MNAT1: variants seen among roughly 807,000 people sequenced by gnomAD.
The protein encoded by MNAT1 is CDK-activating kinase assembly factor MAT1.
Under a neutral mutation model 42.0 loss-of-function variants are expected in MNAT1, and 43 were observed. The observed-to-expected ratio is 1.02, with a 90% CI of 0.80 to 1.32. The LOEUF (loss-of-function observed/expected upper bound fraction) is 1.32, where lower values mean the gene tolerates loss of function less well. Ranked by LOEUF, MNAT1 falls within the 40% of genes most tolerant of loss-of-function variation. MNAT1 has a pLI of 0.00. For missense variants in MNAT1, 306 were observed against 350.4 expected, an observed-to-expected ratio of 0.87 and a Z score of 1.01; for synonymous variants, 118 against 120.0, an observed-to-expected ratio of 0.98 and a Z score of 0.11.
intron 7 of MNAT1, among the ~76,000 whole-genome samples, chr14:60,889,255 T>C (rs959507477): frequency 2.0e-5 from 3 of 152,120 alleles, no homozygotes; most frequent in Non-Finnish European, 2.9e-5. Flanking sequence ...AACAGAGATA[T>C]AGATCAATGG....
chr14:60,814,193 T>TA (rs993333745), intron 5 of MNAT1, among the ~76,000 whole-genome samples: 1 of 152,096 alleles, frequency 6.6e-6, no homozygotes, highest in African/African-American at 2.4e-5. Context: ...TATTTTTGCA[T>TA]AAAAAAATAG....
chr14:60,767,514 A>G (rs1015853964), intron 1 of MNAT1, among the ~76,000 whole-genome samples: 16 of 152,176 alleles, frequency 1.1e-4, no homozygotes, highest in African/African-American at 3.9e-4. Flanking sequence ...CCAAGTGGTA[A>G]TTATATCTGT....
chr14:60,747,216 C>G (rs141640685), intron 1 of MNAT1, among the ~76,000 whole-genome samples: 114 of 151,782 alleles, frequency 7.5e-4, no homozygotes, highest in South Asian at 1.0e-3. Context: ...GATCTCCTGA[C>G]CTTGTGATCT....
intron 7 of MNAT1, among the ~76,000 whole-genome samples, chr14:60,917,632 GT>G (rs1173777464): frequency 1.1e-4 from 15 of 142,428 alleles, no homozygotes; most frequent in South Asian, 2.2e-4. Flanking sequence ...TTTCTTTTTT[GT>G]TTTTTTTTTT....
At chr14:60,811,838 C>A (rs1195099303) in intron 4 of MNAT1, 149 bp from the exon 5 acceptor site, 2 of 517,126 alleles carry the variant, frequency 3.9e-6, no homozygotes, top group Non-Finnish European at 3.2e-6. Flanking sequence ...AAAGTAAATT[C>A]TATTTTCTTC....
chr14:60,735,680 C>T (rs1338637565), intron 1 of MNAT1, among the ~76,000 whole-genome samples: 1 of 152,114 alleles, frequency 6.6e-6, no homozygotes, highest in Non-Finnish European at 1.5e-5. Context: ...GAATTGGAAC[C>T]CAGGAAGTCT....
chr14:60,936,139 T>C (rs925094084), intron 7 of MNAT1, among the ~76,000 whole-genome samples: 1 of 152,160 alleles, frequency 6.6e-6, no homozygotes, highest in Non-Finnish European at 1.5e-5. Flanking sequence ...GACAAGGTCA[T>C]GGGCAGGTTC....
chr14:60,883,181 A>G (rs191254739), intron 7 of MNAT1, among the ~76,000 whole-genome samples: 5 of 152,160 alleles, frequency 3.3e-5, no homozygotes, highest in African/African-American at 1.2e-4. Flanking sequence ...GCGTTTCCCC[A>G]ATGTTTAATT....
intron 1 of MNAT1, among the ~76,000 whole-genome samples, chr14:60,763,315 C>A (rs1342871593): frequency 6.6e-6 from 1 of 152,112 alleles, no homozygotes; most frequent in Non-Finnish European, 1.5e-5. Context: ...CAACCTATAT[C>A]ATTTTAAATG....
At chr14:60,827,133 A>G (rs1045360138) in intron 6 of MNAT1, among the ~76,000 whole-genome samples, 2 of 152,188 alleles carry the variant, frequency 1.3e-5, no homozygotes, top group African/African-American at 4.8e-5. Context: ...TGTTTTATGG[A>G]TCACAAAGAT....
intron 6 of MNAT1, among the ~76,000 whole-genome samples, chr14:60,852,419 A>G (rs1479017625): frequency 4.0e-5 from 6 of 151,720 alleles, no homozygotes; most frequent in Non-Finnish European, 7.4e-5. Flanking sequence ...AAATTTGTTT[A>G]AGTTCCTTAT....
chr14:60,968,289 T>G lies in MNAT1; in HGVS notation c.870T>G (p.Ser290=), dbSNP rs2036719443. Residue 290 remains serine, a synonymous_variant, in exon 8 of 8, where the codon TCT becomes TCG. Coordinates refer to ENST00000261245, the MANE Select transcript of MNAT1 (RefSeq NM_002431.4). The stretch of plus-strand genomic sequence containing the variant: ...ACCTTGCTGGAGGCTATACTTCTTC[T>G]CTTGCTTGTCACAGAGCACTACAGG... ...PQDLAGGYTS[S]LACHRALQDA... is the part of the protein sequence containing the mutation. The G allele has an allele frequency of 6.2e-7, 1 of 1,613,902 alleles. No individual in the cohort carries two copies. The highest frequency in any genetic ancestry group is 8.5e-7 in the Non-Finnish European group (1 of 1,179,930).
At chr14:60,880,271 T>C (rs181516479) in intron 7 of MNAT1, among the ~76,000 whole-genome samples, 1 of 152,270 alleles carries the variant, frequency 6.6e-6, no homozygotes, top group East Asian at 1.9e-4. Context: ...ATATATTTTG[T>C]TGAAAGGTAT....
chr14:60,949,419 A>G (rs745388910), intron 7 of MNAT1, among the ~76,000 whole-genome samples: 3 of 152,172 alleles, frequency 2.0e-5, no homozygotes, highest in Non-Finnish European at 4.4e-5. Flanking sequence ...CTACATTTTT[A>G]ACGATAAAGC....
intron 7 of MNAT1, among the ~76,000 whole-genome samples, chr14:60,914,337 C>A (rs887810595): frequency 6.6e-6 from 1 of 152,200 alleles, no homozygotes; most frequent in African/African-American, 2.4e-5. Context: ...CTGTCCTGCA[C>A]CCACTGTCCG....
chr14:60,909,923 C>G lies in MNAT1; in HGVS notation c.809+30088C>G, dbSNP rs1389477408. Reference sequence around the variant, plus strand: ...TATAAATTACCTTGGGCAGTATGGCCATTTTCACGATATTGATTCTTCCTA... The same window carrying G: ...TATAAATTACCTTGGGCAGTATGGCGATTTTCACGATATTGATTCTTCCTA... On this transcript the variant is annotated intron_variant, in intron 7 of 7. Transcript: ENST00000261245. 2.0e-5 allele frequency among the ~76,000 whole-genome samples: 3 copies of G among 151,978 alleles called. 1 individual carries two copies. Among genetic ancestry groups the G allele is most frequent in the Admixed American group, 1.3e-4 (2 of 15,258 alleles).
In MNAT1 at chr14:60,734,959, G is replaced by A. The variant is rs1896262013; in HGVS notation, c.89+8G>A. On this transcript the variant is annotated splice_region_variant and intron_variant, in intron 1 of 7. Transcript: ENST00000261245. The surrounding 1 kb of genome is among the most constrained non-coding windows in gnomAD (Gnocchi z 4.3). ...TGTGTGCGGACACACTCTGTGAGTT[G>A]GGCGGCAGTGGATTCCCTGGGGGAG... 6.2e-7 allele frequency: 1 copy of A among 1,614,006 alleles called. No homozygotes were observed. The highest frequency in any genetic ancestry group is 8.5e-7 in the Non-Finnish European group (1 of 1,179,856).
chr14:60,790,378 C>G (rs4151195), intron 1 of MNAT1, among the ~76,000 whole-genome samples: 4 of 152,156 alleles, frequency 2.6e-5, no homozygotes, highest in South Asian at 2.1e-4. Context: ...TTCCTCTGCC[C>G]TATTGTTTAT....
intron 6 of MNAT1, among the ~76,000 whole-genome samples, chr14:60,875,135 T>G (rs573647180): frequency 6.6e-6 from 1 of 152,280 alleles, no homozygotes; most frequent in African/African-American, 2.4e-5. Flanking sequence ...TAAAAAATAC[T>G]CCTTTTTGAG....
Sources: allele counts gnomAD v4.1 joint callset (sites outside exome capture counted in the v4.1 genomes callset), GRCh38; gene constraint gnomAD v4.1.1; non-coding constraint Gnocchi (gnomAD v3.1); transcripts MANE v1.5; gene names NCBI Gene and HGNC (gene_info 2026-07-23, HGNC 2026-07-21).